The following SNRPN variants were observed in gnomAD, a reference collection of about 807,000 sequenced individuals.
SNRPN encodes small nuclear ribonucleoprotein-associated protein N.
Under a neutral mutation model 25.2 loss-of-function variants are expected in SNRPN, and 7 were observed. That is an observed-to-expected ratio of 0.28 (90% CI 0.16 to 0.52). The LOEUF (loss-of-function observed/expected upper bound fraction) is 0.52. Among genes scored for constraint, SNRPN ranks in the 20% least tolerant of loss-of-function variants. The pLI is 0.96. For synonymous variants in SNRPN, 124 were observed against 110.6 expected (o/e 1.12, Z -0.76); for missense variants, 196 against 322.5 (o/e 0.61, Z 3.00).
At chr15:24,967,705 G>A (rs1243471666) in intron 2 of SNRPN, among the ~76,000 whole-genome samples, 1 of 151,108 alleles carries the variant, frequency 6.6e-6, no homozygotes, top group Non-Finnish European at 1.5e-5. Context: ...CTACTTGGGA[G>A]GCTGAGGCAG....
chr15:24,896,557 C>T (rs2058091629), intron 2 of SNRPN, among the ~76,000 whole-genome samples: 1 of 151,828 alleles, frequency 6.6e-6, no homozygotes, highest in Admixed American at 6.6e-5. Context: ...ACTAAAAATA[C>T]AAAAAAACTA....
chr15:24,893,729 T>A (rs1377208496), intron 2 of SNRPN, among the ~76,000 whole-genome samples: 2 of 152,302 alleles, frequency 1.3e-5, no homozygotes, highest in East Asian at 3.9e-4. Context: ...ACAAGTGACT[T>A]GGAACCAAAA....
At position 24,978,086 on chromosome 15, in the gene SNRPN, ACT is replaced by A. The variant is rs972292094; in HGVS notation, c.560-104_560-103del. ...GTAATTGTCATATAGAAGTTATTTG[ACT>A]CTATCATTGTTGTCTGGCCCATTTC... On this transcript the variant is annotated intron_variant, in intron 8 of 9. Coordinates refer to ENST00000390687, the MANE Select transcript of SNRPN (RefSeq NM_003097.6). 84 of 1,270,846 alleles carry A rather than the reference ACT, an allele frequency of 6.6e-5. No individual in the cohort carries two copies. The African/African-American group carries it at 1.2e-3, about 18-fold the overall frequency. 78.7% of individuals were successfully genotyped at this position (1,270,846 alleles called of 1,614,324 possible).
rs35451517 is a variant in SNRPN, at chr15:24,891,201, A to ATT, written c.-505+4620_-505+4621dup. On this transcript the variant is annotated intron_variant, in intron 2 of 11. Transcript: ENST00000400097. Reference sequence around the variant, plus strand: ...GCTGGGAATACAGTTGTGTAATGGTATTTTTTTTTGAGACAAGGTCTCAAA... The same window carrying ATT: ...GCTGGGAATACAGTTGTGTAATGGTATTTTTTTTTTTGAGACAAGGTCTCAAA... Among the ~76,000 whole-genome samples the ATT allele has an allele frequency of 1.4e-4, 21 of 151,212 alleles. 1 individual carries two copies. The highest frequency in any genetic ancestry group is 3.6e-4 in the African/African-American group (15 of 41,232).
At chr15:24,855,181 A>G (rs1176027172), upstream of SNRPN, among the ~76,000 whole-genome samples, 2 of 152,164 alleles carry the variant, frequency 1.3e-5, no homozygotes, top group Non-Finnish European at 2.9e-5. Context: ...TAATGATGCA[A>G]CCTATAATTG....
intron 3 of SNRPN, among the ~76,000 whole-genome samples, chr15:24,922,074 A>G (rs2060059501): frequency 6.8e-6 from 1 of 147,802 alleles, no homozygotes; most frequent in Non-Finnish European, 1.5e-5. Flanking sequence ...TTAGCCGGGC[A>G]CCGTGGCGGG....
chr15:24,978,164 G>A (rs370331337), intron 8 of SNRPN, 29 bp from the exon 9 acceptor site: 85 of 1,604,370 alleles, frequency 5.3e-5, no homozygotes, highest in Admixed American at 1.4e-4. Context: ...ATTTTATGAG[G>A]CCTTTATTTC....
intron 3 of SNRPN, among the ~76,000 whole-genome samples, chr15:24,969,900 C>T (rs765239543): frequency 6.6e-6 from 1 of 152,132 alleles, no homozygotes; most frequent in Non-Finnish European, 1.5e-5. Flanking sequence ...CACATTGGTG[C>T]TACGGTGGTG....
At chr15:24,892,076 G>A (rs529690285) in intron 2 of SNRPN, among the ~76,000 whole-genome samples, 1 of 152,254 alleles carries the variant, frequency 6.6e-6, no homozygotes, top group East Asian at 1.9e-4. Context: ...GCCCTGTGAA[G>A]CCCTTTTGAA....
In SNRPN at chr15:24,833,763, G is replaced by A. The variant is rs140685876; in HGVS notation, c.-579+3858G>A. Among the ~76,000 whole-genome samples the A allele has an allele frequency of 3.2e-3, 479 of 149,440 alleles. 7 individuals are homozygous for A. Among genetic ancestry groups the A allele is most frequent in the African/African-American group, 0.011 (447 of 38,916 alleles). Reference sequence around the variant, plus strand: ...GGTGCAGAGCTACGCAGGAAGAGAGGTTGTTGTTTAATGCAAATTAAGTCC... The same window carrying A: ...GGTGCAGAGCTACGCAGGAAGAGAGATTGTTGTTTAATGCAAATTAAGTCC... On this transcript the variant is annotated intron_variant, in intron 2 of 12. Transcript: ENST00000400100.
At chr15:24,837,966 G>T (rs547672343) in intron 2 of SNRPN, among the ~76,000 whole-genome samples, 1 of 149,682 alleles carries the variant, frequency 6.7e-6, no homozygotes. Context: ...CAGAAGATCC[G>T]CCTGCCTCGG....
intron 2 of SNRPN, among the ~76,000 whole-genome samples, chr15:24,830,828 T>C (rs1053667243): frequency 2.6e-5 from 4 of 152,108 alleles, no homozygotes; most frequent in African/African-American, 9.7e-5. Flanking sequence ...GTTTCAGGTG[T>C]GTTTTATGGA....
intron 2 of SNRPN, among the ~76,000 whole-genome samples, chr15:24,842,123 G>T (rs1161347704): frequency 6.6e-6 from 1 of 152,082 alleles, no homozygotes; most frequent in Non-Finnish European, 1.5e-5. Flanking sequence ...AGTACTGGGT[G>T]GTATTGCCCC....
intron 3 of SNRPN, among the ~76,000 whole-genome samples, chr15:24,926,506 T>C (rs1427018214): frequency 1.3e-5 from 2 of 152,150 alleles, no homozygotes; most frequent in Admixed American, 1.3e-4. Flanking sequence ...GTATCCCTGC[T>C]TCTTCACCAT....
chr15:24,962,751 T>C (rs772234254), intron 2 of SNRPN, among the ~76,000 whole-genome samples: 10 of 152,204 alleles, frequency 6.6e-5, no homozygotes, highest in Non-Finnish European at 1.5e-4. Flanking sequence ...AAATTTTAAT[T>C]AAAAATAGGT....
intron 3 of SNRPN, among the ~76,000 whole-genome samples, chr15:24,922,919 G>GTTTTT (rs2060118953): frequency 1.8e-5 from 2 of 111,590 alleles, no homozygotes; most frequent in Non-Finnish European, 1.7e-5. Context: ...TTTTTTTTGG[G>GTTTTT]AAGACAGAGT....
chr15:24,901,878 T>G (rs1230242170), intron 2 of SNRPN, among the ~76,000 whole-genome samples: 1 of 152,084 alleles, frequency 6.6e-6, no homozygotes, highest in Non-Finnish European at 1.5e-5. Flanking sequence ...GCGCACCAAT[T>G]ACAAAGGAAT....
At chr15:24,968,374 T>TA in intron 3 of SNRPN, 1 of 208,470 alleles carries the variant, frequency 4.8e-6, no homozygotes, top group Non-Finnish European at 9.8e-6. Flanking sequence ...AATACCCTGT[T>TA]ACTGAATGTT....
At chr15:24,906,055 T>C (rs949302479) in intron 2 of SNRPN, among the ~76,000 whole-genome samples, 1 of 152,174 alleles carries the variant, frequency 6.6e-6, no homozygotes, top group African/African-American at 2.4e-5. Flanking sequence ...TTACTAAAAG[T>C]ATTATGTGAC....
Sources: allele counts gnomAD v4.1 joint callset (sites outside exome capture counted in the v4.1 genomes callset), GRCh38; gene constraint gnomAD v4.1.1; transcripts MANE v1.5; gene names NCBI Gene and HGNC (gene_info 2026-07-23, HGNC 2026-07-21).